TRMT44: variants seen among roughly 807,000 people sequenced by gnomAD.
TRMT44 encodes the protein probable tRNA (uracil-O(2)-)-methyltransferase.
A neutral mutation model predicts 77.3 loss-of-function variants in TRMT44; 78 were observed. The ratio of observed to expected loss-of-function variants is 1.01; its 90% CI spans 0.84 to 1.22. The LOEUF is 1.22. TRMT44 is among the 50% of genes most tolerant of loss of function. The pLI, the probability that TRMT44 is intolerant of heterozygous loss-of-function variation, is 0.00. For synonymous variants in TRMT44, 391 were observed against 383.3 expected, an observed-to-expected ratio of 1.02 and a Z score of -0.23; for missense variants, 1,090 against 964.4, an observed-to-expected ratio of 1.13 and a Z score of -1.73.
At chr4:8,502,792 T>C in the TRMT44 span, among the ~76,000 whole-genome samples, 1 of 152,266 alleles carries the variant, frequency 6.6e-6, no homozygotes, top group South Asian at 2.1e-4. Context: ...GAGACGCAGG[T>C]CCCAGGTCCC....
At chr4:8,484,493 G>A (rs1182812030) in intron 2 of TRMT44, among the ~76,000 whole-genome samples, 2 of 152,222 alleles carry the variant, frequency 1.3e-5, no homozygotes, top group Non-Finnish European at 2.9e-5. Context: ...AGCAGCTGCT[G>A]CACAGAGACA....
At chr4:8,445,739 T>G (rs1361055219) in intron 1 of TRMT44, among the ~76,000 whole-genome samples, 4 of 152,250 alleles carry the variant, frequency 2.6e-5, no homozygotes, top group African/African-American at 9.6e-5. Context: ...CAGCCTCTGC[T>G]TCCTTTTGGC....
chr4:8,440,809 A>T lies in TRMT44; in HGVS notation c.-14A>T, dbSNP rs1266003274. The T allele has an allele frequency of 2.1e-6, 3 of 1,441,194 alleles. No homozygotes were observed. The highest frequency in any genetic ancestry group is 2.7e-6 in the Non-Finnish European group (3 of 1,100,564). The allele number at this position is 1,441,194 out of a possible 1,614,324, so 89.3% of individuals were successfully genotyped here. A position where few individuals can be genotyped will look rare whatever the true frequency, so the allele number is the denominator to read the frequency against. On this transcript the variant is annotated 5_prime_UTR_variant, in exon 1 of 11. Transcript: ENST00000389737. ...CGGCGCGCCGCTGCCAGGGCTGTAC[A>T]CCTGCTGGCTGCCATGGCTGAGGTG...
At chr4:8,462,676 G>C (rs1278578623) in intron 6 of TRMT44, among the ~76,000 whole-genome samples, 1 of 152,224 alleles carries the variant, frequency 6.6e-6, no homozygotes, top group Non-Finnish European at 1.5e-5. Flanking sequence ...CTGCACTCCA[G>C]CCTGGTGACG....
Position 8,451,995 on chromosome 4 carries a change from G to A in TRMT44, c.990G>A (p.Val330=). 1 of 1,536,792 alleles carries A rather than the reference G, an allele frequency of 6.5e-7. No individual in the cohort carries two copies. Among genetic ancestry groups the A allele is most frequent in the Non-Finnish European group, 8.7e-7 (1 of 1,147,046 alleles). ...AAGTCACTGATCCTGAGAAGTTCGT[G>A]TATGAAGATGTGGCTATCGCAGCAT... The part of the protein sequence containing the change: ...WPEVTDPEKF[V]YEDVAIAAYL... Residue 330 remains valine (V), a synonymous_variant, in exon 4 of 11, where the codon GTG becomes GTA. Coordinates refer to ENST00000389737, the MANE Select transcript of TRMT44 (RefSeq NM_152544.3). This position sits in a 1 kb window ranked among gnomAD's most constrained non-coding sequence, Gnocchi z 4.1.
At chr4:8,507,728 G>A in the TRMT44 span, among the ~76,000 whole-genome samples, 1 of 152,210 alleles carries the variant, frequency 6.6e-6, no homozygotes. Context: ...TCCATGTACA[G>A]ACAGGAGTCC....
chr4:8,474,102 C>G lies in TRMT44; in HGVS notation c.2045-1670C>G, dbSNP rs563743399. ...GGGGAAGGGGGTGCCGAGGCTGGCT[C>G]TGAGGGGAATCTGTACTCAGCCTTT... On this transcript the variant is annotated intron_variant, in intron 10 of 10. Transcript: ENST00000389737. 3.5e-4 allele frequency among the ~76,000 whole-genome samples: 54 copies of G among 152,294 alleles called. No individual in the cohort carries two copies. In the South Asian group the frequency reaches 9.1e-3, roughly 26 times the overall value.
At position 8,464,424 on chromosome 4, in the gene TRMT44, G is replaced by GT. The variant is rs769543122; in HGVS notation, c.1310+340dup. On this transcript the variant is annotated intron_variant, in intron 7 of 10. Coordinates refer to ENST00000389737, the MANE Select transcript of TRMT44 (RefSeq NM_152544.3). ...GTCAAAAGAGGTGTCCTTTTTGGAA[G>GT]TTTTTTTCTGAAAACATGAGGCTTT... Among the ~76,000 whole-genome samples the GT allele has an allele frequency of 1.1e-4, 16 of 152,282 alleles. No homozygotes were observed. The East Asian group carries it at 2.9e-3, about 28-fold the overall frequency.
At chr4:8,502,958 C>T in the TRMT44 span, among the ~76,000 whole-genome samples, 1 of 152,240 alleles carries the variant, frequency 6.6e-6, no homozygotes, top group Non-Finnish European at 1.5e-5. Flanking sequence ...GACACAGGCA[C>T]ACACAGACTC....
At position 8,466,966 on chromosome 4, in the gene TRMT44, C is replaced by T. The variant is rs956649524; in HGVS notation, c.1495-948C>T. On this transcript the variant is annotated intron_variant, in intron 8 of 10. Transcript: ENST00000389737. Reference sequence around the variant, plus strand: ...GTCACGTAGTGAGGAGGTCGGCTTCCTTATCACCCGCGCCTGGCCTTGTAG... The same window carrying T: ...GTCACGTAGTGAGGAGGTCGGCTTCTTTATCACCCGCGCCTGGCCTTGTAG... Among the ~76,000 whole-genome samples, 108 of 152,318 alleles carry T rather than the reference C, an allele frequency of 7.1e-4. 1 individual carries two copies. Among genetic ancestry groups the T allele is most frequent in the Non-Finnish European group, 8.8e-4 (60 of 68,024 alleles).
intron 8 of TRMT44, 98 bp from the exon 9 acceptor site, chr4:8,467,816 A>G: frequency 7.5e-7 from 1 of 1,324,874 alleles, no homozygotes; most frequent in Non-Finnish European, 1.0e-6. Context: ...ATAGACATTG[A>G]AAACTTGTGA....
intron 6 of TRMT44, among the ~76,000 whole-genome samples, chr4:8,456,316 C>G (rs1725808420): frequency 6.6e-6 from 1 of 152,178 alleles, no homozygotes; most frequent in African/African-American, 2.4e-5. Context: ...GAAACGTGAT[C>G]TCTGGTATTT....
At chr4:8,497,030 A>C (rs1354021134), downstream of TRMT44, among the ~76,000 whole-genome samples, 1 of 152,184 alleles carries the variant, frequency 6.6e-6, no homozygotes, top group African/African-American at 2.4e-5. Flanking sequence ...GGCAAGGGCT[A>C]AAAAGAAAAG....
At chr4:8,492,978 G>A (rs1390693187) in intron 2 of TRMT44, among the ~76,000 whole-genome samples, 1 of 152,084 alleles carries the variant, frequency 6.6e-6, no homozygotes, top group Non-Finnish European at 1.5e-5. Context: ...CTGTGTCACG[G>A]GCACACATCC....
intron 2 of TRMT44, among the ~76,000 whole-genome samples, chr4:8,492,278 C>T (rs1243126973): frequency 6.6e-6 from 1 of 152,202 alleles, no homozygotes; most frequent in East Asian, 1.9e-4. Context: ...GTAAACCACC[C>T]GGAACTGGCA....
At chr4:8,467,258 G>C (rs531914857) in intron 8 of TRMT44, among the ~76,000 whole-genome samples, 4,175 of 152,270 alleles carry the variant, frequency 0.027, 68 homozygotes, top group South Asian at 0.04. Flanking sequence ...ATCAGCATGT[G>C]CCCCCGCCGG....
Position 8,468,176 on chromosome 4 carries a change from T to C in TRMT44, c.1757T>C (p.Leu586Pro). The C allele has an allele frequency of 1.9e-6, 3 of 1,614,158 alleles. No homozygotes were observed. The highest frequency in any genetic ancestry group is 2.5e-6 in the Non-Finnish European group (3 of 1,180,040). The change falls in exon 9 of 11, where the codon CTA becomes CCA. Residue 586 changes from leucine to proline, a missense_variant. Transcript: ENST00000389737. ...GAGPQAEGPWLPGFHPREKAE... is the reference protein window; with the variant it reads ...GAGPQAEGPWPPGFHPREKAE... ...GGGCCCCAGGCTGAAGGACCCTGGCTACCTGGATTTCATCCCAGAGAAAAG... is the reference window on the plus strand; with the variant it reads ...GGGCCCCAGGCTGAAGGACCCTGGCCACCTGGATTTCATCCCAGAGAAAAG...
In TRMT44 at chr4:8,467,259, C is replaced by T. The variant is rs549552206; in HGVS notation, c.1495-655C>T. On this transcript the variant is annotated intron_variant, in intron 8 of 10. Coordinates refer to ENST00000389737, the MANE Select transcript of TRMT44 (RefSeq NM_152544.3). The stretch of plus-strand genomic sequence containing the variant: ...TCTGCAGCGTTACCATCAGCATGTG[C>T]CCCCGCCGGGCGGCCGAGGGGTGGA... 2.2e-4 allele frequency among the ~76,000 whole-genome samples: 34 copies of T among 152,232 alleles called. 1 individual carries two copies. The highest frequency in any genetic ancestry group is 7.0e-4 in the African/African-American group (29 of 41,544).
At position 8,467,986 on chromosome 4, in the gene TRMT44, T is replaced by G. The variant is rs772249698; in HGVS notation, c.1567T>G (p.Tyr523Asp). ...EASVDEKRTQ[Y>D]IKSRRGCPVS... Reference sequence around the variant, plus strand: ...TTCCGTGGATGAAAAGAGGACTCAGTACATTAAGAGCAGGCGGGGCTGCCC... The same window carrying G: ...TTCCGTGGATGAAAAGAGGACTCAGGACATTAAGAGCAGGCGGGGCTGCCC... The change falls in exon 9 of 11, where the codon TAC (tyrosine) becomes GAC (aspartate). Residue 523 changes from tyrosine (Y) to aspartate (D), a missense_variant. Coordinates refer to ENST00000389737, the MANE Select transcript of TRMT44 (RefSeq NM_152544.3). The G allele has an allele frequency of 2.5e-6, 4 of 1,614,154 alleles. No homozygotes were observed. The South Asian group carries it at 4.4e-5, about 18-fold the overall frequency.
Sources: gnomAD v4.1 joint callset for allele counts (sites outside exome capture counted in the v4.1 genomes callset) on GRCh38, gnomAD v4.1.1 for gene constraint, Gnocchi (gnomAD v3.1) non-coding constraint, MANE v1.5 for transcripts, NCBI Gene and HGNC (gene_info 2026-07-23, HGNC 2026-07-21) for gene names.